TCF4: variants seen among roughly 807,000 people sequenced by gnomAD.
TCF4 encodes SL3-3 enhancer factor 2.
TCF4 carries 3 observed loss-of-function variants against 82.1 expected under a neutral mutation model. The ratio of observed to expected loss-of-function variants is 0.04; its 90% confidence interval spans 0.02 to 0.09. The LOEUF (loss-of-function observed/expected upper bound fraction) is 0.09, where lower values mean the gene tolerates loss of function less well. Among genes scored for constraint, TCF4 ranks in the 10% least tolerant of loss-of-function variants. The pLI is 1.00. For missense variants in TCF4, 518 were observed against 852.7 expected, an observed-to-expected ratio of 0.61 and a Z score of 4.89; for synonymous variants, 276 against 309.6, an observed-to-expected ratio of 0.89 and a Z score of 1.14.
intron 5 of TCF4, among the ~76,000 whole-genome samples, chr18:55,451,459 T>C (rs903336617): frequency 2.0e-5 from 3 of 152,222 alleles, no homozygotes; most frequent in African/African-American, 7.2e-5. Context: ...CCAAGAATTA[T>C]GCTGAAGTGA....
At chr18:55,454,060 G>A (rs376748642) in intron 5 of TCF4, among the ~76,000 whole-genome samples, 4 of 151,902 alleles carry the variant, frequency 2.6e-5, no homozygotes, top group East Asian at 1.9e-4. Context: ...ACAGGATCTC[G>A]CTATGTTGCC....
At chr18:55,451,318 C>T (rs563608437) in intron 5 of TCF4, among the ~76,000 whole-genome samples, 2 of 152,268 alleles carry the variant, frequency 1.3e-5, no homozygotes, top group Non-Finnish European at 2.9e-5. Context: ...ATCACATCAC[C>T]ACATCTTTCT....
chr18:55,601,583 A>G (rs1309496295), intron 2 of TCF4, among the ~76,000 whole-genome samples: 2 of 152,212 alleles, frequency 1.3e-5, no homozygotes, highest in Admixed American at 6.5e-5. Context: ...CAGGAGTTTA[A>G]GACCAGCCTG....
rs1223842782 is a variant in TCF4, at chr18:55,396,053, T to C, written c.369+7401A>G. On this transcript the variant is annotated intron_variant, in intron 6 of 19. Coordinates refer to ENST00000354452, the MANE Select transcript of TCF4 (RefSeq NM_001083962.2). Reference sequence around the variant, plus strand: ...GGAGCTGAGTGCAGCTACTCTGTTGTAGATACTGTGTCAGGCCCAGATCCC... The same window carrying C: ...GGAGCTGAGTGCAGCTACTCTGTTGCAGATACTGTGTCAGGCCCAGATCCC... Among the ~76,000 whole-genome samples, 5 of 152,152 alleles carry C rather than the reference T, an allele frequency of 3.3e-5. No individual in the cohort carries two copies. In the East Asian group the frequency reaches 9.6e-4, roughly 29 times the overall value.
At chr18:55,235,185 T>C (rs1239335872) in intron 15 of TCF4, among the ~76,000 whole-genome samples, 1 of 152,092 alleles carries the variant, frequency 6.6e-6, no homozygotes, top group Non-Finnish European at 1.5e-5. Flanking sequence ...CAGCGGAAGC[T>C]ACAGCAGTAT....
intron 5 of TCF4, among the ~76,000 whole-genome samples, chr18:55,412,946 TATAGAGTAGTCTAC>T (rs1391317453): frequency 5.8e-4 from 89 of 152,340 alleles, no homozygotes; most frequent in African/African-American, 2.0e-3. Flanking sequence ...GTTTGTTTGT[TATAGAGTAGTCTAC>T]ATAGGCACTT....
chr18:55,584,353 C>A (rs2097610963), intron 3 of TCF4, among the ~76,000 whole-genome samples: 1 of 152,078 alleles, frequency 6.6e-6, no homozygotes, highest in Non-Finnish European at 1.5e-5. Context: ...CTGTTATATA[C>A]CATTGCCAGA....
chr18:55,538,017 T>TGC (rs756676190), intron 3 of TCF4, among the ~76,000 whole-genome samples: 21,896 of 138,208 alleles, frequency 0.16, 1,766 homozygotes, highest in Middle Eastern at 0.23. Flanking sequence ...TTTGCTAGTC[T>TGC]GCGCGCGCGC....
intron 2 of TCF4, among the ~76,000 whole-genome samples, chr18:55,631,067 T>TG (rs1290164015): frequency 2.6e-5 from 4 of 151,492 alleles, no homozygotes; most frequent in African/African-American, 9.7e-5. Flanking sequence ...TTTTTTTTTT[T>TG]GAAATAGAAT....
At chr18:55,429,334 C>A (rs1002522753) in intron 5 of TCF4, among the ~76,000 whole-genome samples, 1 of 152,172 alleles carries the variant, frequency 6.6e-6, no homozygotes, top group African/African-American at 2.4e-5. Flanking sequence ...CGTTTTTGCC[C>A]AACATGAATG....
At chr18:55,412,335 C>T (rs983787966) in intron 5 of TCF4, among the ~76,000 whole-genome samples, 3 of 150,648 alleles carry the variant, frequency 2.0e-5, no homozygotes, top group African/African-American at 7.4e-5. Flanking sequence ...TGCTCATCTC[C>T]AATAATGAAG....
At chr18:55,255,907 T>G (rs142294696) in intron 14 of TCF4, among the ~76,000 whole-genome samples, 67 of 152,284 alleles carry the variant, frequency 4.4e-4, no homozygotes, top group African/African-American at 1.6e-3. Flanking sequence ...AAAAAACATT[T>G]CTATTTTATA....
chr18:55,502,429 C>G (rs768438619), intron 3 of TCF4, among the ~76,000 whole-genome samples: 2 of 152,142 alleles, frequency 1.3e-5, no homozygotes, highest in African/African-American at 2.4e-5. Context: ...TATTTGTATT[C>G]TCATGACATT....
chr18:55,528,795 TC>T (rs1206212494), intron 3 of TCF4, among the ~76,000 whole-genome samples: 9 of 152,354 alleles, frequency 5.9e-5, no homozygotes, highest in African/African-American at 2.2e-4. Context: ...GTTGTAATTT[TC>T]AGTGTCTTTC....
At chr18:55,577,142 TTA>T (rs2097535855) in intron 3 of TCF4, among the ~76,000 whole-genome samples, 1 of 145,886 alleles carries the variant, frequency 6.9e-6, no homozygotes, top group Admixed American at 6.9e-5. Flanking sequence ...ATATATACAT[TTA>T]TATATTTATA....
intron 6 of TCF4, among the ~76,000 whole-genome samples, chr18:55,362,811 C>T (rs2085825596): frequency 6.6e-6 from 1 of 152,116 alleles, no homozygotes; most frequent in African/African-American, 2.4e-5. Flanking sequence ...TCTTATATTT[C>T]TCATTATAAA....
intron 6 of TCF4, among the ~76,000 whole-genome samples, chr18:55,359,640 C>G (rs1340590562): frequency 1.3e-5 from 2 of 152,194 alleles, no homozygotes; most frequent in Non-Finnish European, 2.9e-5. Flanking sequence ...CACGTAATTC[C>G]TCCATCTCTA....
chr18:55,266,881 C>T (rs938090570), intron 11 of TCF4: 9 of 152,102 alleles, frequency 5.9e-5, no homozygotes, highest in South Asian at 2.1e-4. Context: ...GGTTCCCTTC[C>T]GAGAGTTCTA....
intron 6 of TCF4, among the ~76,000 whole-genome samples, chr18:55,358,471 C>CACTTT (rs2084178413): frequency 6.6e-6 from 1 of 152,206 alleles, no homozygotes; most frequent in South Asian, 2.1e-4. Context: ...AAGTGCCAGG[C>CACTTT]ACAGGTGCAG....
Sources: allele counts gnomAD v4.1 joint callset (sites outside exome capture counted in the v4.1 genomes callset), GRCh38; gene constraint gnomAD v4.1.1; transcripts MANE v1.5; gene names NCBI Gene and HGNC (gene_info 2026-07-23, HGNC 2026-07-21).